TAAR6: variants seen among roughly 807,000 people sequenced by gnomAD.
TAAR6 encodes the protein trace amine associated receptor 6.
TAAR6 carries 15 observed loss-of-function variants against 18.4 expected under a neutral mutation model. The observed-to-expected ratio is 0.82, with a 90% CI of 0.55 to 1.26. The LOEUF (loss-of-function observed/expected upper bound fraction) is 1.26, where lower values mean the gene tolerates loss of function less well. Ranked by LOEUF, TAAR6 falls within the 50% of genes most tolerant of loss-of-function variation. The pLI, the probability that TAAR6 is intolerant of heterozygous loss-of-function variation, is 0.00. For synonymous variants in TAAR6, 192 were observed against 162.4 expected, an observed-to-expected ratio of 1.18 and a Z score of -1.39; for missense variants, 501 against 415.9, an observed-to-expected ratio of 1.20 and a Z score of -1.78.
Position 132,570,769 on chromosome 6 carries a change from G to A in TAAR6, c.448G>A (p.Gly150Arg), listed in dbSNP as rs756883952. The A allele has an allele frequency of 1.2e-6, 2 of 1,614,108 alleles. No individual in the cohort carries two copies. Among genetic ancestry groups the A allele is most frequent in the Admixed American group, 3.3e-5 (2 of 60,008 alleles). The stretch of plus-strand genomic sequence containing the variant: ...TACCAAGTTCACCGTATCTGTGTCA[G>A]GAATTTGCATCAGCGTGTCCTGGAT... Reference protein sequence around the residue: ...YPTKFTVSVSGICISVSWILP... With the variant: ...YPTKFTVSVSRICISVSWILP... Residue 150 changes from glycine (G) to arginine (R), a missense_variant, in exon 1 of 1, where the codon GGA becomes AGA. Gly to Arg is a moderately radical substitution (Grantham distance 125). Transcript: ENST00000275198.
Position 132,570,458 on chromosome 6 carries a change from C to A in TAAR6, c.137C>A (p.Ala46Asp). The change falls in exon 1 of 1, where the codon GCT (alanine) becomes GAT (aspartate). Residue 46 changes from alanine to aspartate, a missense_variant. Coordinates refer to ENST00000275198, the MANE Select transcript of TAAR6 (RefSeq NM_175067.1). ...YIVFGFGAVL[A>D]VFGNLLVMIS... is the part of the protein sequence containing the mutation. ...GTGTTTGGCTTTGGGGCTGTGCTGG[C>A]TGTGTTTGGAAACCTCCTGGTGATG... is the stretch of plus-strand genomic sequence containing the variant. 1.9e-6 allele frequency: 3 copies of A among 1,613,932 alleles called. No individual in the cohort carries two copies. Among genetic ancestry groups the A allele is most frequent in the Non-Finnish European group, 2.5e-6 (3 of 1,179,986 alleles).
chr6:132,571,077 A>G lies in TAAR6; in HGVS notation c.756A>G (p.Arg252=). 2.5e-6 allele frequency: 4 copies of G among 1,614,120 alleles called. No homozygotes were observed. Among genetic ancestry groups the G allele is most frequent in the Non-Finnish European group, 3.4e-6 (4 of 1,180,002 alleles). Residue 252 remains arginine (R), a synonymous_variant, in exon 1 of 1, where the codon AGA becomes AGG. Transcript: ENST00000275198. Reference sequence around the variant, plus strand: ...GTTACAAAGCCAGAGTGGCCAGGAGAGAGAGAAAAGCAGCTAAAACCCTGG... The same window carrying G: ...GTTACAAAGCCAGAGTGGCCAGGAGGGAGAGAAAAGCAGCTAAAACCCTGG... ...SESYKARVAR[R]ERKAAKTLGV...
Position 132,570,699 on chromosome 6 carries a change from C to T in TAAR6, c.378C>T (p.Ile126=). The change falls in exon 1 of 1, where the codon ATC becomes ATT. Residue 126 remains isoleucine, a synonymous_variant. Transcript: ENST00000275198. ...CYSSLFHLCF[I]SIDRYIAVTD... is the part of the protein sequence containing the mutation. ...CTTCTCTCTTTCACTTGTGCTTCAT[C>T]TCCATCGACAGGTACATTGCGGTTA... 1 of 1,614,128 alleles carries T rather than the reference C, an allele frequency of 6.2e-7. No homozygotes were observed. Among genetic ancestry groups the T allele is most frequent in the Non-Finnish European group, 8.5e-7 (1 of 1,179,992 alleles).
At position 132,571,042 on chromosome 6, in the gene TAAR6, T is replaced by C; in HGVS notation, c.721T>C (p.Ser241Pro). The change falls in exon 1 of 1, where the codon TCC (serine) becomes CCC (proline). Residue 241 changes from serine to proline, a missense_variant. Transcript: ENST00000275198. ...AAATACTGGTAGCAAGACAGAATCA[T>C]CCTCAGAGAGTTACAAAGCCAGAGT... is the stretch of plus-strand genomic sequence containing the variant. ...IENTGSKTESSSESYKARVAR... is the reference protein window; with the variant it reads ...IENTGSKTESPSESYKARVAR... The C allele has an allele frequency of 6.2e-7, 1 of 1,614,050 alleles. No individual in the cohort carries two copies. Among genetic ancestry groups the C allele is most frequent in the East Asian group, 2.2e-5 (1 of 44,832 alleles).
Position 132,571,114 on chromosome 6 carries a change from G to T in TAAR6, c.793G>T (p.Val265Leu), listed in dbSNP as rs8192624. The change falls in exon 1 of 1, where the codon GTA (valine) becomes TTA (leucine). Residue 265 changes from valine to leucine, a missense_variant. Physicochemically the swap from Val to Leu is conservative, Grantham distance 32. Transcript: ENST00000275198. ...AGCTAAAACCCTGGGGGTCACAGTG[G>T]TAGCATTTATGATTTCATGGTTACC... ...KAAKTLGVTV[V>L]AFMISWLPYS... 1 of 1,613,848 alleles carries T rather than the reference G, an allele frequency of 6.2e-7. No homozygotes were observed. Among genetic ancestry groups the T allele is most frequent in the African/African-American group, 1.3e-5 (1 of 74,880 alleles).
chr6:132,570,735 GGT>G lies in TAAR6; in HGVS notation c.415_416del (p.Val139LeufsTer35). ...DRYIAVTDPL[V>X]YPTKFTVSVS... ...GGTACATTGCGGTTACTGACCCCCT[GGT>G]CTATCCTACCAAGTTCACCGTATCT... On this transcript the variant is annotated frameshift_variant, in exon 1 of 1. Coordinates refer to ENST00000275198, the MANE Select transcript of TAAR6 (RefSeq NM_175067.1). LOFTEE classifies it high-confidence loss of function. 1 of 1,614,004 alleles carries G rather than the reference GGT, an allele frequency of 6.2e-7. No individual in the cohort carries two copies. Among genetic ancestry groups the G allele is most frequent in the Non-Finnish European group, 8.5e-7 (1 of 1,179,966 alleles).
chr6:132,570,379 G>T lies in TAAR6; in HGVS notation c.58G>T (p.Gly20Trp), dbSNP rs770824495. 6.2e-7 allele frequency: 1 copy of T among 1,614,040 alleles called. No individual in the cohort carries two copies. The highest frequency in any genetic ancestry group is 2.2e-5 in the East Asian group (1 of 44,870). Reference protein sequence around the residue: ...AVQLCYANVNGSCVKIPFSPG... With the variant: ...AVQLCYANVNWSCVKIPFSPG... Reference sequence around the variant, plus strand: ...GCAGCTGTGCTACGCGAACGTGAATGGGTCCTGTGTGAAAATCCCCTTCTC... The same window carrying T: ...GCAGCTGTGCTACGCGAACGTGAATTGGTCCTGTGTGAAAATCCCCTTCTC... The change falls in exon 1 of 1, where the codon GGG (glycine) becomes TGG (tryptophan). Residue 20 changes from glycine to tryptophan, a missense_variant. Coordinates refer to ENST00000275198, the MANE Select transcript of TAAR6 (RefSeq NM_175067.1).
At position 132,570,815 on chromosome 6, in the gene TAAR6, G is replaced by A. The variant is rs1240426149; in HGVS notation, c.494G>A (p.Gly165Asp). The A allele has an allele frequency of 1.2e-6, 2 of 1,614,034 alleles. No homozygotes were observed. Among genetic ancestry groups the A allele is most frequent in the Admixed American group, 3.3e-5 (2 of 60,006 alleles). Residue 165 changes from glycine to aspartate, a missense_variant, in exon 1 of 1, where the codon GGT becomes GAT. Gly to Asp is a moderately conservative substitution (Grantham distance 94, BLOSUM62 -1). Transcript: ENST00000275198. ...VSWILPLMYS[G>D]AVFYTGVYDD... ...TGGATCCTGCCCCTCATGTACAGCG[G>A]TGCTGTGTTCTACACAGGTGTCTAT...
At position 132,570,483 on chromosome 6, in the gene TAAR6, G is replaced by T. The variant is rs117814299; in HGVS notation, c.162G>T (p.Met54Ile). 3 of 1,613,910 alleles carry T rather than the reference G, an allele frequency of 1.9e-6. No individual in the cohort carries two copies. The highest frequency in any genetic ancestry group is 2.2e-5 in the South Asian group (2 of 91,060). The change falls in exon 1 of 1, where the codon ATG becomes ATT. Residue 54 changes from methionine (M) to isoleucine (I), a missense_variant. Coordinates refer to ENST00000275198, the MANE Select transcript of TAAR6 (RefSeq NM_175067.1). The part of the protein sequence containing the change: ...VLAVFGNLLV[M>I]ISILHFKQLH... Reference sequence around the variant, plus strand: ...CTGTGTTTGGAAACCTCCTGGTGATGATTTCAATCCTCCATTTCAAGCAGC... The same window carrying T: ...CTGTGTTTGGAAACCTCCTGGTGATTATTTCAATCCTCCATTTCAAGCAGC...
Position 132,570,768 on chromosome 6 carries a change from A to G in TAAR6, c.447A>G (p.Ser149=), listed in dbSNP as rs201176105. 10 of 1,614,098 alleles carry G rather than the reference A, an allele frequency of 6.2e-6. No homozygotes were observed. The East Asian group carries it at 6.7e-5, about 11-fold the overall frequency. The stretch of plus-strand genomic sequence containing the variant: ...CTACCAAGTTCACCGTATCTGTGTC[A>G]GGAATTTGCATCAGCGTGTCCTGGA... ...VYPTKFTVSV[S]GICISVSWIL... The change falls in exon 1 of 1, where the codon TCA becomes TCG. Residue 149 remains serine (S), a synonymous_variant. Coordinates refer to ENST00000275198, the MANE Select transcript of TAAR6 (RefSeq NM_175067.1).
chr6:132,570,733 C>CGG lies in TAAR6; in HGVS notation c.412_413insGG (p.Leu138ArgfsTer48), dbSNP rs768716058. ...CAGGTACATTGCGGTTACTGACCCC[C>CGG]TGGTCTATCCTACCAAGTTCACCGT... On this transcript the variant is annotated frameshift_variant, in exon 1 of 1. Transcript: ENST00000275198. LOFTEE classifies it high-confidence loss of function. 12 of 1,614,138 alleles carry CGG rather than the reference C, an allele frequency of 7.4e-6. No individual in the cohort carries two copies. Among genetic ancestry groups the CGG allele is most frequent in the Middle Eastern group, 3.3e-4 (2 of 6,062 alleles).
At position 132,571,309 on chromosome 6, in the gene TAAR6, G is replaced by C. The variant is rs371167388; in HGVS notation, c.988G>C (p.Val330Leu). ...AATAAAAGTTATTGTAACTGGTCAG[G>C]TTTTAAAGAACAGTTCAGCAACCAT... ...KAIKVIVTGQ[V>L]LKNSSATMNL... The change falls in exon 1 of 1, where the codon GTT becomes CTT. Residue 330 changes from valine to leucine, a missense_variant. Coordinates refer to ENST00000275198, the MANE Select transcript of TAAR6 (RefSeq NM_175067.1). 2 of 1,613,836 alleles carry C rather than the reference G, an allele frequency of 1.2e-6. No homozygotes were observed. The highest frequency in any genetic ancestry group is 1.7e-6 in the Non-Finnish European group (2 of 1,179,894).
In TAAR6 at chr6:132,570,963, A is replaced by G. The variant is rs1481040954; in HGVS notation, c.642A>G (p.Ile214Met). 1.2e-6 allele frequency: 2 copies of G among 1,614,082 alleles called. No homozygotes were observed. The highest frequency in any genetic ancestry group is 4.5e-5 in the East Asian group (2 of 44,858). ...LSFFIPTFIMIILYGNIFLVA... is the reference protein window; with the variant it reads ...LSFFIPTFIMMILYGNIFLVA... ...TCTTTATACCTACCTTTATTATGAT[A>G]ATTCTGTATGGTAACATATTTCTTG... The change falls in exon 1 of 1, where the codon ATA becomes ATG. Residue 214 changes from isoleucine to methionine, a missense_variant. Transcript: ENST00000275198.
In TAAR6 at chr6:132,571,165, G is replaced by A. The variant is rs755478337; in HGVS notation, c.844G>A (p.Ala282Thr). Residue 282 changes from alanine (A) to threonine (T), a missense_variant, in exon 1 of 1, where the codon GCC (alanine) becomes ACC (threonine). By Grantham distance (58) the Ala-to-Thr change is moderately conservative. Coordinates refer to ENST00000275198, the MANE Select transcript of TAAR6 (RefSeq NM_175067.1). The part of the protein sequence containing the change: ...LPYSIDSLID[A>T]FMGFITPACI... ...ATATAGCATTGATTCATTAATTGAT[G>A]CCTTTATGGGCTTTATAACCCCTGC... 2.5e-6 allele frequency: 4 copies of A among 1,614,018 alleles called. No homozygotes were observed. Among genetic ancestry groups the A allele is most frequent in the Non-Finnish European group, 1.7e-6 (2 of 1,179,960 alleles).
rs868684381 is a variant in TAAR6, at chr6:132,571,105, G to A, written c.784G>A (p.Val262Ile). ...GAGAAAAGCAGCTAAAACCCTGGGGGTCACAGTGGTAGCATTTATGATTTC... is the reference window on the plus strand; with the variant it reads ...GAGAAAAGCAGCTAAAACCCTGGGGATCACAGTGGTAGCATTTATGATTTC... Reference protein sequence around the residue: ...RERKAAKTLGVTVVAFMISWL... With the variant: ...RERKAAKTLGITVVAFMISWL... The change falls in exon 1 of 1, where the codon GTC (valine) becomes ATC (isoleucine). Residue 262 changes from valine to isoleucine, a missense_variant. Physicochemically the swap from Val to Ile is conservative, Grantham distance 29. Coordinates refer to ENST00000275198, the MANE Select transcript of TAAR6 (RefSeq NM_175067.1). 9.9e-6 allele frequency: 16 copies of A among 1,613,914 alleles called. No individual in the cohort carries two copies. Among genetic ancestry groups the A allele is most frequent in the Middle Eastern group, 1.6e-4 (1 of 6,082 alleles).
At position 132,570,434 on chromosome 6, in the gene TAAR6, T is replaced by A. The variant is rs1776626684; in HGVS notation, c.113T>A (p.Val38Glu). The A allele has an allele frequency of 6.2e-7, 1 of 1,613,942 alleles. No individual in the cohort carries two copies. Among genetic ancestry groups the A allele is most frequent in the East Asian group, 2.2e-5 (1 of 44,864 alleles). Residue 38 changes from valine to glutamate, a missense_variant, in exon 1 of 1, where the codon GTG (valine) becomes GAG (glutamate). Coordinates refer to ENST00000275198, the MANE Select transcript of TAAR6 (RefSeq NM_175067.1). ...GGATCCCGGGTGATTCTGTACATAG[T>A]GTTTGGCTTTGGGGCTGTGCTGGCT... ...SPGSRVILYI[V>E]FGFGAVLAVF...
chr6:132,570,635 G>C lies in TAAR6; in HGVS notation c.314G>C (p.Cys105Ser). Residue 105 changes from cysteine to serine, a missense_variant, in exon 1 of 1, where the codon TGT (cysteine) becomes TCT (serine). Coordinates refer to ENST00000275198, the MANE Select transcript of TAAR6 (RefSeq NM_175067.1). ...ESCWYFGRSFCTFHTCCDVAF... is the reference protein window; with the variant it reads ...ESCWYFGRSFSTFHTCCDVAF... ...TGCTGGTATTTTGGGAGGAGTTTTT[G>C]TACTTTCCACACCTGCTGTGATGTG... is the stretch of plus-strand genomic sequence containing the variant. 6.2e-7 allele frequency: 1 copy of C among 1,614,068 alleles called. No individual in the cohort carries two copies. Among genetic ancestry groups the C allele is most frequent in the Non-Finnish European group, 8.5e-7 (1 of 1,179,984 alleles).
Position 132,570,770 on chromosome 6 carries a change from G to A in TAAR6, c.449G>A (p.Gly150Glu). 6.2e-7 allele frequency: 1 copy of A among 1,614,130 alleles called. No individual in the cohort carries two copies. The highest frequency in any genetic ancestry group is 8.5e-7 in the Non-Finnish European group (1 of 1,180,012). The change falls in exon 1 of 1, where the codon GGA becomes GAA. Residue 150 changes from glycine to glutamate, a missense_variant. By Grantham distance (98) the Gly-to-Glu change is moderately conservative (BLOSUM62 -2). Transcript: ENST00000275198. ...YPTKFTVSVS[G>E]ICISVSWILP... ...ACCAAGTTCACCGTATCTGTGTCAG[G>A]AATTTGCATCAGCGTGTCCTGGATC...
Position 132,571,056 on chromosome 6 carries a change from C to G in TAAR6, c.735C>G (p.Tyr245Ter), listed in dbSNP as rs1225407970. ...AGACAGAATCATCCTCAGAGAGTTACAAAGCCAGAGTGGCCAGGAGAGAGA... is the reference window on the plus strand; with the variant it reads ...AGACAGAATCATCCTCAGAGAGTTAGAAAGCCAGAGTGGCCAGGAGAGAGA... ...GSKTESSSES[Y>*]KARVARRERK... Residue 245 changes from tyrosine (Y) to a stop codon, truncating the protein, a stop_gained, in exon 1 of 1, where the codon TAC (tyrosine) becomes TAG (stop). Coordinates refer to ENST00000275198, the MANE Select transcript of TAAR6 (RefSeq NM_175067.1). LOFTEE classifies it high-confidence loss of function. The G allele has an allele frequency of 6.2e-7, 1 of 1,614,050 alleles. No individual in the cohort carries two copies. Among genetic ancestry groups the G allele is most frequent in the Non-Finnish European group, 8.5e-7 (1 of 1,179,988 alleles).
Sources: gnomAD v4.1 joint callset for allele counts on GRCh38, gnomAD v4.1.1 for gene constraint, MANE v1.5 for transcripts, NCBI Gene and HGNC (gene_info 2026-07-23, HGNC 2026-07-21) for gene names.